TNIK: variants seen among roughly 807,000 people sequenced by gnomAD.
TNIK encodes the protein TRAF2 and NCK interacting kinase, also known as TRAF2 and NCK-interacting protein kinase.
In TNIK, 49 loss-of-function variants were observed where a neutral mutation model predicts 191.3. That is an observed-to-expected ratio of 0.26 (90% CI 0.20 to 0.32). TNIK has a LOEUF of 0.32. Ranked by LOEUF, TNIK falls within the 10% of genes least tolerant of loss-of-function variation. TNIK has a pLI of 1.00. For missense variants in TNIK, 1,155 were observed against 1,702.3 expected, an observed-to-expected ratio of 0.68 and a Z score of 5.66; for synonymous variants, 594 against 600.9, an observed-to-expected ratio of 0.99 and a Z score of 0.17.
chr3:171,231,516 G>A (rs17826614), intron 2 of TNIK, among the ~76,000 whole-genome samples: 2,703 of 152,196 alleles, frequency 0.018, 36 homozygotes, highest in Middle Eastern at 0.031. Context: ...ACAATTAGCA[G>A]CCTCAGATCA....
intron 2 of TNIK, among the ~76,000 whole-genome samples, chr3:171,288,251 T>C (rs1236917053): frequency 1.9e-4 from 29 of 149,062 alleles, no homozygotes; most frequent in African/African-American, 7.0e-4. Context: ...CGCACCAGCA[T>C]GGCACATGTA....
At chr3:171,244,102 C>G (rs1334163840) in intron 2 of TNIK, among the ~76,000 whole-genome samples, 6 of 150,636 alleles carry the variant, frequency 4.0e-5, no homozygotes, top group Non-Finnish European at 8.8e-5. Context: ...GCTCTGTCGC[C>G]CGCCGGGGTG....
chr3:171,452,827 G>A (rs1728345885), intron 1 of TNIK, among the ~76,000 whole-genome samples: 1 of 151,036 alleles, frequency 6.6e-6, no homozygotes, highest in Admixed American at 6.6e-5. Flanking sequence ...CTTAGAATAA[G>A]ACAATGGAGA....
At chr3:171,284,574 C>T (rs1201432153) in intron 2 of TNIK, among the ~76,000 whole-genome samples, 4 of 151,518 alleles carry the variant, frequency 2.6e-5, no homozygotes, top group Admixed American at 2.6e-4. Flanking sequence ...CCAATCCTGC[C>T]GTCATTGCAT....
At chr3:171,269,487 G>A (rs1748826347) in intron 2 of TNIK, among the ~76,000 whole-genome samples, 1 of 152,194 alleles carries the variant, frequency 6.6e-6, no homozygotes, top group South Asian at 2.1e-4. Context: ...ATACTGGAGT[G>A]TTTAGTATTT....
At chr3:171,185,049 AG>A (rs1412139037) in intron 7 of TNIK, among the ~76,000 whole-genome samples, 1 of 152,204 alleles carries the variant, frequency 6.6e-6, no homozygotes, top group Non-Finnish European at 1.5e-5. Context: ...TATAAGAGCA[AG>A]GCCTGTTTAT....
chr3:171,365,161 CTTTTTTTTTTTTTTTTTTT>C (rs60887361), intron 2 of TNIK, among the ~76,000 whole-genome samples: 42 of 31,934 alleles, frequency 1.3e-3, no homozygotes, highest in South Asian at 5.2e-3. Context: ...GGACTACATT[CTTTTTTTTTTTTTTTTTTT>C]TTTTTTTTTT....
chr3:171,394,134 T>G (rs1719926346), intron 1 of TNIK, among the ~76,000 whole-genome samples: 1 of 152,200 alleles, frequency 6.6e-6, no homozygotes, highest in Non-Finnish European at 1.5e-5. Context: ...AATTTTTATC[T>G]GGGGCAAATC....
chr3:171,131,179 A>T (rs1729191129), intron 15 of TNIK, among the ~76,000 whole-genome samples: 1 of 151,530 alleles, frequency 6.6e-6, no homozygotes, highest in South Asian at 2.1e-4. Context: ...TCTACTAAAA[A>T]TACAAAAAAT....
chr3:171,364,172 T>G (rs1043089230), intron 2 of TNIK, among the ~76,000 whole-genome samples: 3 of 152,184 alleles, frequency 2.0e-5, no homozygotes, highest in African/African-American at 7.2e-5. Flanking sequence ...ATTTCAGAAG[T>G]TGGAGCCGGG....
chr3:171,384,381 A>C (rs1014773276), intron 1 of TNIK, among the ~76,000 whole-genome samples: 1 of 152,322 alleles, frequency 6.6e-6, no homozygotes, highest in East Asian at 1.9e-4. Flanking sequence ...TGCTACTCAG[A>C]CTGCACCCAT....
In TNIK at chr3:171,232,352, A is replaced by C. The variant is rs112132473; in HGVS notation, c.124-4131T>G. Among the ~76,000 whole-genome samples the C allele has an allele frequency of 5.1e-3, 776 of 152,060 alleles. 6 individuals carry two copies. Among genetic ancestry groups the C allele is most frequent in the Admixed American group, 0.012 (182 of 15,284 alleles). ...ACAAATGTATGAATGAAAAAAAAAA[A>C]CCACATGTGCAACCAAGAACTAAAA... On this transcript the variant is annotated intron_variant, in intron 2 of 32. Coordinates refer to ENST00000436636, the MANE Select transcript of TNIK (RefSeq NM_015028.4).
intron 22 of TNIK, among the ~76,000 whole-genome samples, chr3:171,098,858 C>A (rs1307746702): frequency 6.6e-6 from 1 of 152,130 alleles, no homozygotes; most frequent in Non-Finnish European, 1.5e-5. Flanking sequence ...CATTGTAGAA[C>A]AGACTGTGTA....
intron 15 of TNIK, among the ~76,000 whole-genome samples, chr3:171,133,117 C>A (rs1205610820): frequency 1.3e-5 from 2 of 152,158 alleles, no homozygotes; most frequent in African/African-American, 4.8e-5. Context: ...CCTCTGAGAA[C>A]GGGGGAGACT....
rs1216629625 is a variant in TNIK, at chr3:171,188,774, A to G, written c.567T>C (p.Ile189=). 6.2e-7 allele frequency: 1 copy of G among 1,613,618 alleles called. No individual in the cohort carries two copies. The highest frequency in any genetic ancestry group is 1.3e-5 in the African/African-American group (1 of 74,936). ...DRTVGRRNTF[I]GTPYWMAPEV... ...CTGGTGCCATCCAGTAGGGAGTTCC[A>G]ATGAAAGTATTCCTCCTGCCCACTG... The change falls in exon 7 of 33, where the codon ATT becomes ATC. Residue 189 remains isoleucine, a synonymous_variant. Coordinates refer to ENST00000436636, the MANE Select transcript of TNIK (RefSeq NM_015028.4).
intron 2 of TNIK, among the ~76,000 whole-genome samples, chr3:171,293,394 G>T (rs904032551): frequency 6.6e-6 from 1 of 152,120 alleles, no homozygotes; most frequent in Admixed American, 6.5e-5. Context: ...CACTCCCAAG[G>T]GTAGGATGTG....
chr3:171,358,902 A>C (rs969037832), intron 2 of TNIK, among the ~76,000 whole-genome samples: 1 of 152,172 alleles, frequency 6.6e-6, no homozygotes, highest in Non-Finnish European at 1.5e-5. Flanking sequence ...ATTAAGTTTT[A>C]AGTTTACTAA....
At chr3:171,359,547 C>T (rs1714662855) in intron 2 of TNIK, among the ~76,000 whole-genome samples, 1 of 152,128 alleles carries the variant, frequency 6.6e-6, no homozygotes, top group African/African-American at 2.4e-5. Context: ...GGACCAAGAT[C>T]CGAAGCAATA....
chr3:171,099,320 T>C (rs896753257), intron 22 of TNIK, among the ~76,000 whole-genome samples: 1 of 151,996 alleles, frequency 6.6e-6, no homozygotes, highest in African/African-American at 2.4e-5. Flanking sequence ...AAGTCAACTT[T>C]CTGTGTCTTT....
Sources: gnomAD v4.1 joint callset for allele counts (sites outside exome capture counted in the v4.1 genomes callset) on GRCh38, gnomAD v4.1.1 for gene constraint, MANE v1.5 for transcripts, NCBI Gene and HGNC (gene_info 2026-07-23, HGNC 2026-07-21) for gene names.